FBXL4: variants seen among roughly 807,000 people sequenced by gnomAD.
The protein encoded by FBXL4 is F-box and leucine rich repeat protein 4.
FBXL4 carries 40 observed loss-of-function variants against 58.9 expected under a neutral mutation model. The ratio of observed to expected loss-of-function variants is 0.68; its 90% CI spans 0.53 to 0.88. The LOEUF is 0.88. Among genes scored for constraint, FBXL4 ranks in the 40% least tolerant of loss-of-function variants. The probability of loss-of-function intolerance (pLI) is 0.00; values close to 1 mark genes in which losing one functional copy is unlikely to be tolerated. For synonymous variants in FBXL4, 263 were observed against 265.5 expected (o/e 0.99, Z 0.09); for missense variants, 676 against 734.4 (o/e 0.92, Z 0.92).
intron 2 of FBXL4, among the ~76,000 whole-genome samples, chr6:98,928,102 A>C (rs1430187115): frequency 6.6e-6 from 1 of 152,154 alleles, no homozygotes; most frequent in East Asian, 1.9e-4. Context: ...TTTTTTAAAA[A>C]TTTGATCTAG....
At chr6:98,914,005 A>C (rs535439177) in intron 5 of FBXL4, among the ~76,000 whole-genome samples, 3 of 152,382 alleles carry the variant, frequency 2.0e-5, no homozygotes, top group African/African-American at 7.2e-5. Flanking sequence ...TCCCACAGAA[A>C]TACAAACTAC....
At chr6:98,884,536 AT>A (rs1770966418) in intron 7 of FBXL4, among the ~76,000 whole-genome samples, 1 of 152,168 alleles carries the variant, frequency 6.6e-6, no homozygotes, top group Non-Finnish European at 1.5e-5. Context: ...TCCATTGCTT[AT>A]GAGTCTCTTA....
intron 1 of FBXL4, among the ~76,000 whole-genome samples, chr6:98,937,784 T>C (rs913492044): frequency 6.6e-6 from 1 of 152,206 alleles, no homozygotes; most frequent in South Asian, 2.1e-4. Flanking sequence ...TCAGTGTCCA[T>C]GTCATAGAAG....
At chr6:98,887,705 C>T (rs1030081682) in intron 7 of FBXL4, among the ~76,000 whole-genome samples, 1 of 152,024 alleles carries the variant, frequency 6.6e-6, no homozygotes, top group Admixed American at 6.6e-5. Context: ...GAATAAGAGA[C>T]GTGAGATCAA....
At position 98,872,263 on chromosome 6, in the gene FBXL4, T is replaced by A. The variant is rs533086463; in HGVS notation, c.*2015A>T. ...TGCCTAGTCTTCAATTGGAAGTGATTAAGCTGCAATGTAATAACATGCTAA... is the reference window on the plus strand; with the variant it reads ...TGCCTAGTCTTCAATTGGAAGTGATAAAGCTGCAATGTAATAACATGCTAA... On this transcript the variant is annotated 3_prime_UTR_variant, in exon 10 of 10. Coordinates refer to ENST00000369244, the MANE Select transcript of FBXL4 (RefSeq NM_001278716.2). The A allele has an allele frequency of 6.6e-6, 1 of 152,322 alleles. No individual in the cohort carries two copies. Among genetic ancestry groups the A allele is most frequent in the African/African-American group, 2.4e-5 (1 of 41,568 alleles). The allele number at this position is 152,322 out of a possible 1,614,324, so 9.4% of individuals were successfully genotyped here.
rs1363615311 is a variant in FBXL4, at chr6:98,872,988, T to C, written c.*1290A>G. 6.6e-6 allele frequency: 1 copy of C among 152,162 alleles called. No individual in the cohort carries two copies. The highest frequency in any genetic ancestry group is 1.5e-5 in the Non-Finnish European group (1 of 68,040). 9.4% of individuals were successfully genotyped at this position (152,162 alleles called of 1,614,324 possible). A position where few individuals can be genotyped will look rare whatever the true frequency, so the allele number is the denominator to read the frequency against. ...AAAGGAAGCATTCTCCTCATGTGACTACTGAACACTTGACATACATCGTTT... is the reference window on the plus strand; with the variant it reads ...AAAGGAAGCATTCTCCTCATGTGACCACTGAACACTTGACATACATCGTTT... On this transcript the variant is annotated 3_prime_UTR_variant, in exon 10 of 10. Coordinates refer to ENST00000369244, the MANE Select transcript of FBXL4 (RefSeq NM_001278716.2).
intron 1 of FBXL4, among the ~76,000 whole-genome samples, chr6:98,942,010 A>G (rs546291670): frequency 1.3e-5 from 2 of 152,160 alleles, no homozygotes; most frequent in South Asian, 4.1e-4. Flanking sequence ...GCACATATAC[A>G]AGAAACCTAA....
intron 8 of FBXL4, among the ~76,000 whole-genome samples, chr6:98,876,227 G>A (rs902987017): frequency 1.3e-5 from 2 of 152,022 alleles, no homozygotes; most frequent in African/African-American, 4.8e-5. Flanking sequence ...GAGGCATTTG[G>A]GGACTGCATA....
In FBXL4 at chr6:98,871,553, A is replaced by C. The variant is rs1262534068; in HGVS notation, c.*2725T>G. ...ATGTGTTACAACTGGTGGTGTTAAA[A>C]ATGTGTGAAGCAAAATGATTACGTT... On this transcript the variant is annotated 3_prime_UTR_variant, in exon 10 of 10. Transcript: ENST00000369244. The C allele has an allele frequency of 6.6e-6, 1 of 152,254 alleles. No homozygotes were observed. The highest frequency in any genetic ancestry group is 1.5e-5 in the Non-Finnish European group (1 of 68,046). The allele number at this position is 152,254 out of a possible 1,614,324, so 9.4% of individuals were successfully genotyped here.
At chr6:98,935,795 C>CAA (rs372124984) in intron 1 of FBXL4, among the ~76,000 whole-genome samples, 9 of 117,636 alleles carry the variant, frequency 7.7e-5, no homozygotes, top group African/African-American at 2.8e-4. Flanking sequence ...GACTCCGTCT[C>CAA]AAAAAAAAAA....
intron 2 of FBXL4, among the ~76,000 whole-genome samples, chr6:98,929,223 TA>T (rs1440247873): frequency 2.0e-5 from 3 of 152,168 alleles, no homozygotes; most frequent in Non-Finnish European, 4.4e-5. Context: ...ACTGAAACAC[TA>T]CTTAAATAAC....
intron 5 of FBXL4, among the ~76,000 whole-genome samples, chr6:98,913,683 T>C (rs1772199876): frequency 7.2e-5 from 11 of 152,210 alleles, no homozygotes; most frequent in Admixed American, 5.9e-4. Flanking sequence ...GAGGGAAATT[T>C]ATAGCACTAC....
chr6:98,894,688 G>A (rs1490263973), intron 7 of FBXL4, among the ~76,000 whole-genome samples: 2 of 152,182 alleles, frequency 1.3e-5, no homozygotes, highest in Non-Finnish European at 2.9e-5. Flanking sequence ...TACTAAGCAT[G>A]TATTTAATGC....
At chr6:98,877,087 A>G (rs195833) in intron 8 of FBXL4, among the ~76,000 whole-genome samples, 49,268 of 151,968 alleles carry the variant, frequency 0.32, 9,108 homozygotes, top group East Asian at 0.69. Context: ...GGTGGCAATG[A>G]TGGAATGAAG....
chr6:98,915,054 G>T (rs1772280989), intron 5 of FBXL4, among the ~76,000 whole-genome samples: 1 of 152,160 alleles, frequency 6.6e-6, no homozygotes, highest in Admixed American at 6.5e-5. Flanking sequence ...AATCATGATT[G>T]AACTCCCATT....
At chr6:98,946,043 C>T (rs1239784342) in intron 1 of FBXL4, among the ~76,000 whole-genome samples, 1 of 152,170 alleles carries the variant, frequency 6.6e-6, no homozygotes, top group Non-Finnish European at 1.5e-5. Context: ...CTTGCCCCCA[C>T]TAAATGTGTT....
At chr6:98,913,650 G>C (rs1772198504) in intron 5 of FBXL4, among the ~76,000 whole-genome samples, 1 of 152,096 alleles carries the variant, frequency 6.6e-6, no homozygotes, top group African/African-American at 2.4e-5. Flanking sequence ...AGAATCTCTG[G>C]GATGCATTCA....
intron 4 of FBXL4, among the ~76,000 whole-genome samples, chr6:98,920,520 C>T (rs1177740320): frequency 6.6e-6 from 1 of 151,348 alleles, no homozygotes; most frequent in Non-Finnish European, 1.5e-5. Context: ...TTTTATTTTT[C>T]TTGATAACCT....
chr6:98,933,658 A>G (rs1470857221), intron 2 of FBXL4, among the ~76,000 whole-genome samples: 1 of 152,130 alleles, frequency 6.6e-6, no homozygotes, highest in Non-Finnish European at 1.5e-5. Flanking sequence ...ATATTTCTCT[A>G]CCTGAATAGA....
Sources: gnomAD v4.1 joint callset for allele counts (sites outside exome capture counted in the v4.1 genomes callset) on GRCh38, gnomAD v4.1.1 for gene constraint, MANE v1.5 for transcripts, NCBI Gene and HGNC (gene_info 2026-07-23, HGNC 2026-07-21) for gene names.